The following ZNF717 variants were observed in gnomAD, a reference collection of about 807,000 sequenced individuals.
ZNF717 encodes krueppel-like factor X17.
ZNF717 carries 9 observed loss-of-function variants against 13.8 expected under a neutral mutation model. The observed-to-expected ratio is 0.65, with a 90% CI of 0.39 to 1.14. The LOEUF (loss-of-function observed/expected upper bound fraction) is 1.14. Ranked by LOEUF, ZNF717 falls within the 50% of genes most tolerant of loss-of-function variation. ZNF717 has a pLI of 0.01. For missense variants in ZNF717, 1,040 were observed against 1,080.7 expected (o/e 0.96, Z 0.53); for synonymous variants, 327 against 364.1 (o/e 0.90, Z 1.16).
intron 2 of ZNF717, among the ~76,000 whole-genome samples, chr3:75,778,375 G>C (rs1944504749): frequency 6.6e-6 from 1 of 151,714 alleles, no homozygotes; most frequent in Non-Finnish European, 1.5e-5. Context: ...AAAACAATGG[G>C]AGTGATCTGC....
intron 2 of ZNF717, among the ~76,000 whole-genome samples, chr3:75,751,694 A>G (rs1413639229): frequency 1.6e-5 from 2 of 122,106 alleles, no homozygotes; most frequent in Non-Finnish European, 3.5e-5. Context: ...TGTGTTCTGA[A>G]TATTTGCCCT....
At chr3:75,777,509 C>G (rs1013157066) in intron 2 of ZNF717, among the ~76,000 whole-genome samples, 3 of 151,328 alleles carry the variant, frequency 2.0e-5, no homozygotes, top group African/African-American at 4.9e-5. Flanking sequence ...GAGTGATGTG[C>G]TAAAACTGGA....
At chr3:75,785,180 T>C (rs951723010) in intron 1 of ZNF717, 4 of 126,206 alleles carry the variant, frequency 3.2e-5, no homozygotes, top group Non-Finnish European at 5.6e-5. Flanking sequence ...GAGAACTGTG[T>C]GTTCGCACTG....
intron 1 of ZNF717, among the ~76,000 whole-genome samples, chr3:75,784,025 T>C (rs1327414701): frequency 3.3e-5 from 5 of 152,362 alleles, no homozygotes; most frequent in Non-Finnish European, 7.3e-5. Flanking sequence ...GAAAATGTGA[T>C]GCAAATATCC....
intron 6 of ZNF717, among the ~76,000 whole-genome samples, chr3:75,704,260 G>A (rs1937755284): frequency 6.6e-6 from 1 of 152,310 alleles, no homozygotes; most frequent in African/African-American, 2.4e-5. Context: ...TGTGCTCTCT[G>A]ACTCACCTCA....
chr3:75,696,757 G>A (rs1461291459), intron 6 of ZNF717, among the ~76,000 whole-genome samples: 2 of 152,310 alleles, frequency 1.3e-5, no homozygotes, highest in Non-Finnish European at 2.9e-5. Flanking sequence ...ACCAGTCACG[G>A]TGGTGGGTGC....
At chr3:75,731,627 A>G (rs188908417), downstream of ZNF717, among the ~76,000 whole-genome samples, 2 of 151,116 alleles carry the variant, frequency 1.3e-5, no homozygotes, top group South Asian at 4.3e-4. Context: ...TGAAAAGCTG[A>G]AAAGGTCAGG....
intron 2 of ZNF717, among the ~76,000 whole-genome samples, chr3:75,763,021 A>C (rs1409049305): frequency 1.3e-5 from 2 of 152,252 alleles, no homozygotes; most frequent in Non-Finnish European, 1.5e-5. Flanking sequence ...CTCTTACCTT[A>C]CACCACGTTA....
chr3:75,745,981 G>A (rs1350548305), intron 2 of ZNF717, among the ~76,000 whole-genome samples: 2 of 151,936 alleles, frequency 1.3e-5, no homozygotes, highest in East Asian at 1.9e-4. Context: ...CCAGTAACTC[G>A]TAATTTACAT....
At chr3:75,749,033 C>T (rs61300426) in intron 2 of ZNF717, among the ~76,000 whole-genome samples, 14,021 of 151,302 alleles carry the variant, frequency 0.093, 1,046 homozygotes, top group African/African-American at 0.2. Context: ...ACATAGGATT[C>T]CAGAACACTG....
chr3:75,704,945 G>A (rs1306099700), downstream of ZNF717, among the ~76,000 whole-genome samples: 1 of 152,308 alleles, frequency 6.6e-6, no homozygotes, highest in African/African-American at 2.4e-5. Flanking sequence ...ATTATGACTA[G>A]AAGTTGAAAT....
At chr3:75,733,945 T>A (rs1938842463), downstream of ZNF717, among the ~76,000 whole-genome samples, 1 of 151,008 alleles carries the variant, frequency 6.6e-6, no homozygotes. Context: ...AAATAAAACA[T>A]TCCCTGGACA....
intron 6 of ZNF717, among the ~76,000 whole-genome samples, chr3:75,696,600 C>T (rs112913329): frequency 6.6e-6 from 1 of 150,376 alleles, no homozygotes; most frequent in Non-Finnish European, 1.5e-5. Flanking sequence ...ATCACATAAA[C>T]AGAATGAAGG....
chr3:75,760,805 A>T (rs1488069703), intron 2 of ZNF717, among the ~76,000 whole-genome samples: 2 of 152,162 alleles, frequency 1.3e-5, no homozygotes, highest in Non-Finnish European at 2.9e-5. Flanking sequence ...AACAGATTAG[A>T]GCAGAGATAA....
chr3:75,748,746 G>T (rs1941404359), intron 2 of ZNF717, among the ~76,000 whole-genome samples: 2 of 152,178 alleles, frequency 1.3e-5, no homozygotes, highest in Non-Finnish European at 2.9e-5. Flanking sequence ...TACTGAATGG[G>T]CAAAAACTGG....
rs1937661383 is a variant in ZNF717, at chr3:75,700,219, C to T, written n.1085+10968G>A. Among the ~76,000 whole-genome samples the T allele has an allele frequency of 2.6e-5, 4 of 152,412 alleles. No homozygotes were observed. In the South Asian group the frequency reaches 8.3e-4, roughly 32 times the overall value. The stretch of plus-strand genomic sequence containing the variant: ...CCAGCCTGGCCAACTTGGTGAAACC[C>T]CATCTCTACTAAAAATACAAAAAAA... On this transcript the variant is annotated intron_variant and non_coding_transcript_variant, in intron 6 of 6. Transcript: ENST00000648506.
intron 4 of ZNF717, among the ~76,000 whole-genome samples, chr3:75,719,545 T>C (rs1162358419): frequency 1.3e-5 from 2 of 152,312 alleles, no homozygotes; most frequent in Non-Finnish European, 2.9e-5. Context: ...TCTAGCATAA[T>C]TTAAGGCTTT....
chr3:75,748,668 A>G (rs1941395957), intron 2 of ZNF717, among the ~76,000 whole-genome samples: 3 of 152,186 alleles, frequency 2.0e-5, no homozygotes, highest in Admixed American at 2.0e-4. Flanking sequence ...CTCTCAATGA[A>G]TTAGGTATTG....
chr3:75,717,684 C>G (rs1938083358), intron 4 of ZNF717, among the ~76,000 whole-genome samples: 1 of 152,082 alleles, frequency 6.6e-6, no homozygotes, highest in African/African-American at 2.4e-5. Context: ...GGTGGAGGCC[C>G]ACAAAAAGGC....
Sources: allele counts gnomAD v4.1 joint callset (sites outside exome capture counted in the v4.1 genomes callset), GRCh38; gene constraint gnomAD v4.1.1; transcripts MANE v1.5; gene names NCBI Gene and HGNC (gene_info 2026-07-23, HGNC 2026-07-21).